The following MARCHF10 variants were observed in gnomAD, a reference collection of about 807,000 sequenced individuals.
The protein encoded by MARCHF10 is membrane associated ring-CH-type finger 10.
Under a neutral mutation model 76.2 loss-of-function variants are expected in MARCHF10, and 64 were observed. That is an observed-to-expected ratio of 0.84 (90% confidence interval 0.69 to 1.03). The LOEUF (loss-of-function observed/expected upper bound fraction) is 1.03, where lower values mean the gene tolerates loss of function less well. Among genes scored for constraint, MARCHF10 ranks in the 50% least tolerant of loss-of-function variants. MARCHF10 has a pLI of 0.00. For missense variants in MARCHF10, 875 were observed against 958.0 expected, an observed-to-expected ratio of 0.91 and a Z score of 1.14; for synonymous variants, 340 against 357.5, an observed-to-expected ratio of 0.95 and a Z score of 0.55.
intron 6 of MARCHF10, among the ~76,000 whole-genome samples, chr17:62,726,595 G>C (rs1420386394): frequency 6.6e-6 from 1 of 152,202 alleles, no homozygotes; most frequent in Non-Finnish European, 1.5e-5. Flanking sequence ...TTGCAAGTTT[G>C]AGAAGGTAGG....
intron 2 of MARCHF10, among the ~76,000 whole-genome samples, chr17:62,800,900 T>C (rs2093060445): frequency 6.6e-6 from 1 of 152,202 alleles, no homozygotes; most frequent in Admixed American, 6.5e-5. Flanking sequence ...TAGCTCATTG[T>C]AAAATGTGCA....
At chr17:62,751,185 T>C (rs953583568) in intron 4 of MARCHF10, among the ~76,000 whole-genome samples, 5 of 152,178 alleles carry the variant, frequency 3.3e-5, no homozygotes, top group Non-Finnish European at 7.3e-5. Flanking sequence ...GGGTGCCTGA[T>C]GGAGTCATGA....
intron 4 of MARCHF10, among the ~76,000 whole-genome samples, chr17:62,746,086 G>A (rs554790497): frequency 3.3e-5 from 5 of 152,330 alleles, no homozygotes; most frequent in South Asian, 4.1e-4. Context: ...AGTTGTAGTC[G>A]TGTGAATAGT....
rs1476475483 is a variant in MARCHF10, at chr17:62,736,637, GT to G, written c.1230del (p.Arg410SerfsTer35). 6.2e-7 allele frequency: 1 copy of G among 1,614,040 alleles called. No homozygotes were observed. Among genetic ancestry groups the G allele is most frequent in the Non-Finnish European group, 8.5e-7 (1 of 1,180,040 alleles). ...PLSWDTKSEP[R>X]QEVGVNAENV... is the part of the protein sequence containing the mutation. ...TTTTCAGCATTGACACCAACCTCTT[GT>G]CTGGGCTCGGATTTGGTGTCCCACG... On this transcript the variant is annotated frameshift_variant, in exon 6 of 11. Transcript: ENST00000311269. LOFTEE classifies it high-confidence loss of function.
In MARCHF10 at chr17:62,758,531, C is replaced by T. The variant is rs527406817; in HGVS notation, c.382+1304G>A. 2.6e-5 allele frequency among the ~76,000 whole-genome samples: 4 copies of T among 152,232 alleles called. No individual in the cohort carries two copies. The East Asian group carries it at 7.7e-4, about 29-fold the overall frequency. ...GCTGAATTAAAAGCCTAATTCCTAC[C>T]AAAAGTCTTTAAAATGAGAAATTAA... On this transcript the variant is annotated intron_variant, in intron 4 of 10. Coordinates refer to ENST00000311269, the MANE Select transcript of MARCHF10 (RefSeq NM_152598.4).
intron 8 of MARCHF10, among the ~76,000 whole-genome samples, chr17:62,720,613 T>C (rs1182070886): frequency 6.6e-6 from 1 of 152,030 alleles, no homozygotes; most frequent in Non-Finnish European, 1.5e-5. Flanking sequence ...ACTTTCCCCC[T>C]CCCCCTGCTG....
chr17:62,767,100 G>A (rs1212125668), intron 3 of MARCHF10, among the ~76,000 whole-genome samples: 1 of 152,164 alleles, frequency 6.6e-6, no homozygotes, highest in African/African-American at 2.4e-5. Flanking sequence ...TTGAGCATGG[G>A]GTGAGGAGGA....
intron 10 of MARCHF10, among the ~76,000 whole-genome samples, chr17:62,702,402 C>G (rs944429976): frequency 6.9e-6 from 1 of 145,250 alleles, no homozygotes; most frequent in African/African-American, 2.6e-5. Context: ...GTAATCCCAG[C>G]GCTTTGGAAG....
intron 6 of MARCHF10, among the ~76,000 whole-genome samples, chr17:62,734,801 G>A (rs920213998): frequency 6.6e-6 from 1 of 152,142 alleles, no homozygotes; most frequent in Admixed American, 6.6e-5. Context: ...ACGAATAATA[G>A]CTGTTTAATG....
At chr17:62,765,173 C>T (rs1437785672) in intron 3 of MARCHF10, among the ~76,000 whole-genome samples, 1 of 120,244 alleles carries the variant, frequency 8.3e-6, no homozygotes, top group Non-Finnish European at 1.7e-5. Context: ...ATGGTGAAGC[C>T]CCGTCTCCAC....
At chr17:62,798,409 A>G (rs2093019489) in intron 2 of MARCHF10, among the ~76,000 whole-genome samples, 1 of 150,566 alleles carries the variant, frequency 6.6e-6, no homozygotes, top group Admixed American at 6.6e-5. Context: ...GGATGACCTG[A>G]GGCCAGGAGT....
chr17:62,715,550 A>G lies in MARCHF10; in HGVS notation c.2215-4206T>C, dbSNP rs183536933. ...AAACCGAGTGCCCAACCAGCATCCAATATGAGTCCTGCTTCCAGGCGACAG... is the reference window on the plus strand; with the variant it reads ...AAACCGAGTGCCCAACCAGCATCCAGTATGAGTCCTGCTTCCAGGCGACAG... On this transcript the variant is annotated intron_variant, in intron 8 of 10. Transcript: ENST00000311269. 2.1e-3 allele frequency among the ~76,000 whole-genome samples: 324 copies of G among 152,344 alleles called. 6 individuals carry two copies. Among genetic ancestry groups the G allele is most frequent in the Non-Finnish European group, 1.4e-3 (94 of 68,024 alleles).
In MARCHF10 at chr17:62,807,514, G is replaced by C. The variant is rs551659198; in HGVS notation, c.-18+563C>G. On this transcript the variant is annotated intron_variant, in intron 1 of 10. Coordinates refer to ENST00000311269, the MANE Select transcript of MARCHF10 (RefSeq NM_152598.4). Reference sequence around the variant, plus strand: ...GTGTAATTGGGAAACTCTGGGGGAGGAAACGTCACAGGTTTGACAAGCAAT... The same window carrying C: ...GTGTAATTGGGAAACTCTGGGGGAGCAAACGTCACAGGTTTGACAAGCAAT... Among the ~76,000 whole-genome samples the C allele has an allele frequency of 4.6e-5, 7 of 152,226 alleles. No individual in the cohort carries two copies. In the South Asian group the frequency reaches 1.5e-3, roughly 32 times the overall value.
At chr17:62,715,860 G>C (rs1484066224) in intron 8 of MARCHF10, among the ~76,000 whole-genome samples, 2 of 152,148 alleles carry the variant, frequency 1.3e-5, no homozygotes, top group Non-Finnish European at 2.9e-5. Context: ...CATCTGCCCT[G>C]CTCCCACCAG....
intron 4 of MARCHF10, among the ~76,000 whole-genome samples, chr17:62,748,040 C>T (rs1476642798): frequency 6.6e-6 from 1 of 152,158 alleles, no homozygotes; most frequent in Non-Finnish European, 1.5e-5. Flanking sequence ...TTTCTCTTCT[C>T]TGTCTGTAAG....
chr17:62,734,376 A>C (rs928783382), intron 6 of MARCHF10, among the ~76,000 whole-genome samples: 1 of 151,980 alleles, frequency 6.6e-6, no homozygotes, highest in African/African-American at 2.4e-5. Context: ...TGTGTAAGGA[A>C]TGTTCTGTTA....
chr17:62,750,791 T>C (rs189484733), intron 4 of MARCHF10, among the ~76,000 whole-genome samples: 1 of 152,290 alleles, frequency 6.6e-6, no homozygotes, highest in Admixed American at 6.5e-5. Flanking sequence ...GGAAGTTCTT[T>C]TCCCCGTAAG....
chr17:62,751,450 A>G (rs2091896166), intron 4 of MARCHF10, among the ~76,000 whole-genome samples: 1 of 152,124 alleles, frequency 6.6e-6, no homozygotes, highest in Non-Finnish European at 1.5e-5. Context: ...CAAGAGCCCC[A>G]GGTGTTTCTC....
rs2089906581 is a variant in MARCHF10, at chr17:62,711,062, A to C, written c.2328+169T>G. 6.6e-6 allele frequency among the ~76,000 whole-genome samples: 1 copy of C among 152,170 alleles called. No homozygotes were observed. The highest frequency in any genetic ancestry group is 2.4e-5 in the African/African-American group (1 of 41,434). On this transcript the variant is annotated intron_variant, in intron 9 of 10. Transcript: ENST00000311269. The surrounding 1 kb of genome is among the most constrained non-coding windows in gnomAD (Gnocchi z 4.4). ...TGATCGTCACTTACTTTTCAGCCAG[A>C]GGGTCACCATGTGTACACTTAGCAG...
Sources: allele counts gnomAD v4.1 joint callset (sites outside exome capture counted in the v4.1 genomes callset), GRCh38; gene constraint gnomAD v4.1.1; non-coding constraint Gnocchi (gnomAD v3.1); transcripts MANE v1.5; gene names NCBI Gene and HGNC (gene_info 2026-07-23, HGNC 2026-07-21).